The following TENM3 variants were observed in gnomAD, a reference collection of about 807,000 sequenced individuals.
TENM3 encodes the protein teneurin transmembrane protein 3.
Under a neutral mutation model 255.1 loss-of-function variants are expected in TENM3, and 63 were observed. The ratio of observed to expected loss-of-function variants is 0.25; its 90% confidence interval spans 0.20 to 0.30. The LOEUF is 0.30. Ranked by LOEUF, TENM3 falls within the 10% of genes least tolerant of loss-of-function variation. TENM3 has a pLI of 1.00. For synonymous variants in TENM3, 1,306 were observed against 1,322.3 expected (o/e 0.99, Z 0.27); for missense variants, 2,929 against 3,461.1 (o/e 0.85, Z 3.86).
In TENM3 at chr4:182,358,350, G is replaced by A. The variant is rs1473244567; in HGVS notation, c.511+11421G>A. ...CGATATTGATTCTTCCTACCCATGAGCATGGAATGTTCTTCCATTTGTTTG... is the reference window on the plus strand; with the variant it reads ...CGATATTGATTCTTCCTACCCATGAACATGGAATGTTCTTCCATTTGTTTG... On this transcript the variant is annotated intron_variant, in intron 3 of 27. Coordinates refer to ENST00000511685, the MANE Select transcript of TENM3 (RefSeq NM_001080477.4). 4.8e-3 allele frequency among the ~76,000 whole-genome samples: 716 copies of A among 148,118 alleles called. 3 individuals carry two copies. Among genetic ancestry groups the A allele is most frequent in the African/African-American group, 0.017 (672 of 40,062 alleles).
the TENM3 span, among the ~76,000 whole-genome samples, chr4:181,664,489 AAC>A: frequency 0.1 from 12,271 of 117,494 alleles, 1,358 homozygotes; most frequent in African/African-American, 0.3. Context: ...AAAAAAACAA[AAC>A]AAAAAAATAG....
chr4:182,549,455 C>T (rs116084130), intron 3 of TENM3, among the ~76,000 whole-genome samples: 1,543 of 152,118 alleles, frequency 0.01, 19 homozygotes, highest in Non-Finnish European at 0.013. Flanking sequence ...CCCATCTGAT[C>T]GGATTTCAGA....
In TENM3 at chr4:182,793,713, C is replaced by T. The variant is rs750273630; in HGVS notation, c.7041C>T (p.Thr2347=). 3.1e-6 allele frequency: 5 copies of T among 1,613,986 alleles called. No individual in the cohort carries two copies. Among genetic ancestry groups the T allele is most frequent in the Non-Finnish European group, 4.2e-6 (5 of 1,179,870 alleles). Residue 2347 remains threonine (T), a synonymous_variant, in exon 26 of 28, where the codon ACC becomes ACT. Coordinates refer to ENST00000511685, the MANE Select transcript of TENM3 (RefSeq NM_001080477.4). The surrounding 1 kb of genome is among the most constrained non-coding windows in gnomAD (Gnocchi z 5.7). ...GFHGGLYDPL[T]KLIHFGERDY... ...ATGGTGGCCTGTATGACCCACTCAC[C>T]AAATTAATCCACTTTGGAGAAAGAG...
intron 21 of TENM3, 35 bp downstream of exon 21, chr4:182,753,639 C>T: frequency 6.2e-7 from 1 of 1,603,132 alleles, no homozygotes; most frequent in South Asian, 1.1e-5. Context: ...TTTGTTTTTC[C>T]TCTAGGTGAC....
rs2078992919 is a variant in TENM3 at position 182,665,564 on chromosome 4, G to A, written c.1112-7441G>A. On this transcript the variant is annotated intron_variant, in intron 6 of 27. Coordinates refer to ENST00000511685, the MANE Select transcript of TENM3 (RefSeq NM_001080477.4). ...TTTGTAAGGCTATCATAGATAGATA[G>A]TGATTTTCCTGTGATAGATCTGGGC... 5.3e-5 allele frequency among the ~76,000 whole-genome samples: 8 copies of A among 152,146 alleles called. No individual in the cohort carries two copies. In the South Asian group the frequency reaches 1.5e-3, roughly 28 times the overall value.
chr4:181,686,386 A>G, the TENM3 span, among the ~76,000 whole-genome samples: 1 of 152,190 alleles, frequency 6.6e-6, no homozygotes, highest in East Asian at 1.9e-4. Flanking sequence ...GTTGAATCAG[A>G]CAGATTTTTC....
chr4:182,366,552 C>T (rs192009513), intron 3 of TENM3, among the ~76,000 whole-genome samples: 14 of 151,868 alleles, frequency 9.2e-5, no homozygotes. Flanking sequence ...TACTTCATAT[C>T]GTCTAATAAA....
the TENM3 span, among the ~76,000 whole-genome samples, chr4:182,004,612 A>T: frequency 6.6e-6 from 1 of 152,170 alleles, no homozygotes; most frequent in Non-Finnish European, 1.5e-5. Context: ...GCTAGGTCAA[A>T]TGGTATTTCT....
At chr4:182,469,571 G>A (rs754016025) in intron 3 of TENM3, among the ~76,000 whole-genome samples, 2 of 152,024 alleles carry the variant, frequency 1.3e-5, no homozygotes, top group Non-Finnish European at 2.9e-5. Flanking sequence ...AAAATGAGCC[G>A]GGCATGGTGG....
chr4:181,627,955 A>G, the TENM3 span, among the ~76,000 whole-genome samples: 1 of 152,212 alleles, frequency 6.6e-6, no homozygotes, highest in African/African-American at 2.4e-5. Context: ...TCCCACCAAC[A>G]GTGTAAAAGT....
the TENM3 span, among the ~76,000 whole-genome samples, chr4:181,824,833 TG>T: frequency 6.6e-6 from 1 of 152,204 alleles, no homozygotes; most frequent in African/African-American, 2.4e-5. Context: ...AGCCATGTCC[TG>T]GTGGAAAGTA....
intron 3 of TENM3, among the ~76,000 whole-genome samples, chr4:182,362,953 G>A (rs915644958): frequency 1.3e-5 from 2 of 152,114 alleles, no homozygotes; most frequent in African/African-American, 4.8e-5. Flanking sequence ...CTATAGAAAA[G>A]TTTTTCTGAA....
At chr4:181,510,230 AT>A in the TENM3 span, among the ~76,000 whole-genome samples, 1 of 152,044 alleles carries the variant, frequency 6.6e-6, no homozygotes, top group African/African-American at 2.4e-5. Context: ...TTTTTGAATT[AT>A]TTTTTTCTTC....
intron 4 of TENM3, among the ~76,000 whole-genome samples, chr4:182,604,226 T>C (rs940792972): frequency 2.0e-5 from 3 of 152,218 alleles, no homozygotes; most frequent in African/African-American, 7.2e-5. Context: ...GTGAATAGAA[T>C]ACTTCTGGTC....
the TENM3 span, among the ~76,000 whole-genome samples, chr4:181,627,253 AAAC>A: frequency 6.6e-6 from 1 of 152,210 alleles, no homozygotes; most frequent in Non-Finnish European, 1.5e-5. Flanking sequence ...AAGTATAAGA[AAAC>A]AAGCTCTTTT....
chr4:181,738,512 G>T, the TENM3 span, among the ~76,000 whole-genome samples: 1 of 152,102 alleles, frequency 6.6e-6, no homozygotes, highest in South Asian at 2.1e-4. Context: ...CAGAAATGTT[G>T]TACCTCTGCT....
intron 3 of TENM3, among the ~76,000 whole-genome samples, chr4:182,444,780 C>T (rs1772775373): frequency 6.6e-6 from 1 of 152,152 alleles, no homozygotes. Context: ...CGGTGAACTA[C>T]ACTCCTAACA....
At position 182,634,461 on chromosome 4, in the gene TENM3, G is replaced by T. The variant is rs575714678; in HGVS notation, c.988+5572G>T. Among the ~76,000 whole-genome samples, 3 of 152,160 alleles carry T rather than the reference G, an allele frequency of 2.0e-5. No homozygotes were observed. In the South Asian group the frequency reaches 6.2e-4, roughly 32 times the overall value. ...TTTTTAAAAATCAAATGTACATATG[G>T]TAAACTTTCTTTCATTGGAGTCATC... is the stretch of plus-strand genomic sequence containing the variant. On this transcript the variant is annotated intron_variant, in intron 5 of 27. Coordinates refer to ENST00000511685, the MANE Select transcript of TENM3 (RefSeq NM_001080477.4).
the TENM3 span, among the ~76,000 whole-genome samples, chr4:182,057,011 A>G: frequency 6.6e-6 from 1 of 151,318 alleles, no homozygotes; most frequent in South Asian, 2.1e-4. Flanking sequence ...TGATTTCTGA[A>G]GACTGTTCAG....
Sources: allele counts gnomAD v4.1 joint callset (sites outside exome capture counted in the v4.1 genomes callset), GRCh38; gene constraint gnomAD v4.1.1; non-coding constraint Gnocchi (gnomAD v3.1); transcripts MANE v1.5; gene names NCBI Gene and HGNC (gene_info 2026-07-23, HGNC 2026-07-21).